RTN4: variants seen among roughly 807,000 people sequenced by gnomAD.
The protein encoded by RTN4 is reticulon 4.
A neutral mutation model predicts 90.4 loss-of-function variants in RTN4; 32 were observed. The ratio of observed to expected loss-of-function variants is 0.35; its 90% CI spans 0.27 to 0.48. The LOEUF is 0.48. Ranked by LOEUF, RTN4 falls within the 20% of genes least tolerant of loss-of-function variation. The pLI, the probability that RTN4 is intolerant of heterozygous loss-of-function variation, is 0.99. For synonymous variants in RTN4, 629 were observed against 552.5 expected (o/e 1.14, Z -1.94); for missense variants, 1,706 against 1,430.2 (o/e 1.19, Z -3.11).
chr2:55,005,890 A>G (rs1680184766), intron 3 of RTN4, among the ~76,000 whole-genome samples: 1 of 152,142 alleles, frequency 6.6e-6, no homozygotes. Context: ...TTATGTGTGG[A>G]ATTTTCTACT....
the RTN4 span, among the ~76,000 whole-genome samples, chr2:55,124,046 A>C: frequency 6.6e-6 from 1 of 152,174 alleles, no homozygotes; most frequent in South Asian, 2.1e-4. Flanking sequence ...AATAATGCAG[A>C]AACCAGTCAC....
rs201096502 is a variant in RTN4 at position 55,028,235 on chromosome 2, G to A, written c.557-15C>T. The stretch of plus-strand genomic sequence containing the variant: ...AAGGGTCTCATCTGAAAAACAAATA[G>A]AATATAACCTCAGCAGAAATAAAGA... On this transcript the variant is annotated splice_polypyrimidine_tract_variant and intron_variant, in intron 1 of 8. Transcript: ENST00000337526. 229 of 1,608,608 alleles carry A rather than the reference G, an allele frequency of 1.4e-4. 2 individuals are homozygous for A. Among genetic ancestry groups the A allele is most frequent in the Admixed American group, 1.3e-4 (8 of 59,554 alleles).
chr2:55,122,410 G>A, the RTN4 span, among the ~76,000 whole-genome samples: 4 of 152,162 alleles, frequency 2.6e-5, no homozygotes, highest in African/African-American at 9.7e-5. Flanking sequence ...GACCAGAGCT[G>A]GCTCCATGGG....
At chr2:55,128,118 T>A in the RTN4 span, among the ~76,000 whole-genome samples, 1 of 152,124 alleles carries the variant, frequency 6.6e-6, no homozygotes, top group Non-Finnish European at 1.5e-5. Context: ...AGTGCTGGGA[T>A]TATAGGCATG....
chr2:55,079,829 C>T (rs1013957225), intron 2 of RTN4, among the ~76,000 whole-genome samples: 1 of 152,184 alleles, frequency 6.6e-6, no homozygotes, highest in African/African-American at 2.4e-5. Flanking sequence ...ACTAGTACAG[C>T]ATACTATAGT....
chr2:55,133,808 A>C, the RTN4 span, among the ~76,000 whole-genome samples: 2 of 152,170 alleles, frequency 1.3e-5, no homozygotes, highest in African/African-American at 4.8e-5. Flanking sequence ...GTGAACCCCA[A>C]AATTGGGGTT....
intron 3 of RTN4, among the ~76,000 whole-genome samples, chr2:55,016,433 A>C (rs1023357252): frequency 6.6e-6 from 1 of 152,048 alleles, no homozygotes; most frequent in East Asian, 1.9e-4. Context: ...AAATACAAAA[A>C]TTAGCCAGGC....
intron 5 of RTN4, among the ~76,000 whole-genome samples, chr2:54,978,017 G>C (rs1244862288): frequency 6.6e-6 from 1 of 152,180 alleles, no homozygotes; most frequent in African/African-American, 2.4e-5. Flanking sequence ...ATTTTGAAAG[G>C]CCAGGCTCCT....
At chr2:54,974,331 G>C (rs919856840) in intron 6 of RTN4, 43 of 250,460 alleles carry the variant, frequency 1.7e-4, no homozygotes, top group Admixed American at 9.1e-4. Context: ...CCAACCTGGA[G>C]TGCAATGGCA....
At chr2:54,991,382 T>A (rs184218124) in intron 3 of RTN4, among the ~76,000 whole-genome samples, 29 of 152,340 alleles carry the variant, frequency 1.9e-4, no homozygotes, top group Non-Finnish European at 1.5e-5. Flanking sequence ...TTATTTATAA[T>A]TAGTCTATAA....
At chr2:55,065,380 T>C (rs1231829370) in intron 2 of RTN4, among the ~76,000 whole-genome samples, 1 of 152,206 alleles carries the variant, frequency 6.6e-6, no homozygotes, top group Non-Finnish European at 1.5e-5. Context: ...AAGGGCTGCC[T>C]TTGTAGGCAT....
chr2:55,006,574 A>G (rs1357156140), intron 3 of RTN4, among the ~76,000 whole-genome samples: 1 of 152,192 alleles, frequency 6.6e-6, no homozygotes, highest in Non-Finnish European at 1.5e-5. Context: ...GTCTTGAGAT[A>G]TAATTATATT....
At chr2:55,011,654 C>T (rs1343676004) in intron 3 of RTN4, among the ~76,000 whole-genome samples, 1 of 152,044 alleles carries the variant, frequency 6.6e-6, no homozygotes, top group Non-Finnish European at 1.5e-5. Flanking sequence ...TCAGAAGTGG[C>T]TTGATATTAA....
chr2:55,013,463 C>A (rs67156582), intron 3 of RTN4, among the ~76,000 whole-genome samples: 38,941 of 151,928 alleles, frequency 0.26, 5,584 homozygotes, highest in Non-Finnish European at 0.33. Context: ...TACACGGTTT[C>A]TTTTCTCACA....
intron 2 of RTN4, 93 bp from the exon 3 acceptor site, chr2:55,027,578 GACTT>G (rs1263752246): frequency 3.1e-6 from 4 of 1,278,532 alleles, no homozygotes; most frequent in African/African-American, 3.0e-5. Flanking sequence ...TGTTAGTAAA[GACTT>G]ACTGTTTACT....
At chr2:55,047,471 T>TA in intron 1 of RTN4, among the ~76,000 whole-genome samples, 1 of 152,150 alleles carries the variant, frequency 6.6e-6, no homozygotes, top group East Asian at 1.9e-4. Context: ...ATATGGCAAT[T>TA]AGTGTTTTGA....
At chr2:55,000,844 A>G (rs890911837) in intron 3 of RTN4, among the ~76,000 whole-genome samples, 3 of 152,164 alleles carry the variant, frequency 2.0e-5, no homozygotes, top group African/African-American at 7.2e-5. Flanking sequence ...AGGAGACACA[A>G]TTTACTAACA....
At chr2:55,119,294 G>A in the RTN4 span, among the ~76,000 whole-genome samples, 1 of 152,184 alleles carries the variant, frequency 6.6e-6, no homozygotes, top group Admixed American at 6.5e-5. Flanking sequence ...TTCTACACTG[G>A]GAGCTATAGT....
intron 3 of RTN4, among the ~76,000 whole-genome samples, chr2:55,005,376 T>A (rs546507720): frequency 6.6e-6 from 1 of 152,248 alleles, no homozygotes; most frequent in African/African-American, 2.4e-5. Flanking sequence ...TCTTACAATA[T>A]AAAGCTGGTT....
Sources: allele counts gnomAD v4.1 joint callset (sites outside exome capture counted in the v4.1 genomes callset), GRCh38; gene constraint gnomAD v4.1.1; transcripts MANE v1.5; gene names NCBI Gene and HGNC (gene_info 2026-07-23, HGNC 2026-07-21).